The following MYO10 variants were observed in gnomAD, a reference collection of about 807,000 sequenced individuals.
MYO10 encodes unconventional myosin-X.
In MYO10, 133 loss-of-function variants were observed where a neutral mutation model predicts 257.3. The observed-to-expected ratio is 0.52, with a 90% CI of 0.45 to 0.60. MYO10 has a LOEUF of 0.60. Among genes scored for constraint, MYO10 ranks in the 20% least tolerant of loss-of-function variants. The pLI is 0.00. For synonymous variants in MYO10, 1,104 were observed against 1,028.6 expected (o/e 1.07, Z -1.40); for missense variants, 2,399 against 2,635.7 (o/e 0.91, Z 1.97).
At chr5:16,785,654 G>C (rs1243556712) in intron 4 of MYO10, among the ~76,000 whole-genome samples, 1 of 152,224 alleles carries the variant, frequency 6.6e-6, no homozygotes, top group Non-Finnish European at 1.5e-5. Context: ...TGGATTACTT[G>C]AGGTCAGAAG....
At chr5:16,730,968 T>C (rs1366236271) in intron 19 of MYO10, among the ~76,000 whole-genome samples, 1 of 150,870 alleles carries the variant, frequency 6.6e-6, no homozygotes, top group East Asian at 1.9e-4. Context: ...TGGGAAGGTA[T>C]GGGGGGAGTT....
At chr5:16,771,631 G>A (rs965624941) in intron 9 of MYO10, among the ~76,000 whole-genome samples, 11 of 149,740 alleles carry the variant, frequency 7.3e-5, no homozygotes, top group Non-Finnish European at 1.0e-4. Context: ...CTGCACTGGC[G>A]GGCAGTGGTG....
At chr5:16,902,226 A>G in intron 1 of MYO10, 1 of 598,044 alleles carries the variant, frequency 1.7e-6, no homozygotes, top group Admixed American at 2.7e-5. Context: ...TTTTTTTTTT[A>G]AAGTACAATT....
intron 4 of MYO10, among the ~76,000 whole-genome samples, chr5:16,786,162 C>A (rs993472272): frequency 6.6e-6 from 1 of 152,108 alleles, no homozygotes; most frequent in African/African-American, 2.4e-5. Context: ...TGTGTTACAC[C>A]CCTAAGATTT....
chr5:16,681,894 T>C lies in MYO10; in HGVS notation c.4166A>G (p.Glu1389Gly). 1 of 1,613,966 alleles carries C rather than the reference T, an allele frequency of 6.2e-7. No homozygotes were observed. Among genetic ancestry groups the C allele is most frequent in the Non-Finnish European group, 8.5e-7 (1 of 1,179,878 alleles). ...LQRSKGDTRV[E>G]GQEFIVRGWL... ...ACCTCTCACGATGAATTCCTGGCCC[T>C]CCACTCTGGTGTCCCCTTTGGACCT... Residue 1389 changes from glutamate to glycine, a missense_variant, in exon 31 of 41, where the codon GAG becomes GGG. Coordinates refer to ENST00000513610, the MANE Select transcript of MYO10 (RefSeq NM_012334.3).
intron 1 of MYO10, among the ~76,000 whole-genome samples, chr5:16,916,902 C>T (rs549222776): frequency 3.3e-5 from 5 of 152,258 alleles, no homozygotes; most frequent in South Asian, 2.1e-4. Context: ...TTAGATGACA[C>T]GAAGAGGTCC....
chr5:16,797,449 C>T (rs1361088226), intron 3 of MYO10, among the ~76,000 whole-genome samples: 1 of 152,128 alleles, frequency 6.6e-6, no homozygotes, highest in Non-Finnish European at 1.5e-5. Context: ...AAAGATATTA[C>T]CATATGACCC....
Position 16,666,022 on chromosome 5 carries a change from A to G in MYO10, c.*670T>C, listed in dbSNP as rs1434473546. On this transcript the variant is annotated 3_prime_UTR_variant, in exon 41 of 41. Transcript: ENST00000513610. ...AAATATACAGACTGTGTACACCATT[A>G]CACATCCTTTTTCCCTTTGCTTTTT... is the stretch of plus-strand genomic sequence containing the variant. 1 of 152,604 alleles carries G rather than the reference A, an allele frequency of 6.6e-6. No individual in the cohort carries two copies. The highest frequency in any genetic ancestry group is 1.5e-5 in the Non-Finnish European group (1 of 68,064). The allele number at this position is 152,604 out of a possible 1,614,324, so 9.5% of individuals were successfully genotyped here.
chr5:16,752,385 C>A (rs973798945), intron 19 of MYO10, among the ~76,000 whole-genome samples: 1 of 152,112 alleles, frequency 6.6e-6, no homozygotes, highest in Non-Finnish European at 1.5e-5. Context: ...CGGGTTCAAG[C>A]AATTCTCCTG....
chr5:16,817,483 T>C (rs1432499591), intron 3 of MYO10, among the ~76,000 whole-genome samples: 5 of 152,218 alleles, frequency 3.3e-5, no homozygotes, highest in Non-Finnish European at 7.3e-5. Flanking sequence ...GCATGACCAC[T>C]TTTTATGTAT....
At chr5:16,747,953 A>G (rs1215152049) in intron 19 of MYO10, among the ~76,000 whole-genome samples, 1 of 150,564 alleles carries the variant, frequency 6.6e-6, no homozygotes, top group African/African-American at 2.4e-5. Flanking sequence ...AAAAGAAAAA[A>G]AAAAAGATAC....
intron 1 of MYO10, among the ~76,000 whole-genome samples, chr5:16,931,149 T>C (rs1746283817): frequency 6.6e-6 from 1 of 152,034 alleles, no homozygotes; most frequent in Non-Finnish European, 1.5e-5. Context: ...TGCATGTTTG[T>C]AATCCCAGCT....
At chr5:16,728,742 A>T (rs762282571) in intron 19 of MYO10, among the ~76,000 whole-genome samples, 3 of 152,212 alleles carry the variant, frequency 2.0e-5, no homozygotes, top group Non-Finnish European at 4.4e-5. Context: ...ACTGTGCACT[A>T]GGACCTGTGT....
chr5:16,694,273 G>A lies in MYO10; in HGVS notation c.3800+98C>T, dbSNP rs567064388. ...TGAACTATCAGGACACCTGCTACAG[G>A]CTACTGCCGCTGCAAGGAACTTGCA... is the stretch of plus-strand genomic sequence containing the variant. On this transcript the variant is annotated intron_variant, in intron 27 of 40. Transcript: ENST00000513610. 3.9e-5 allele frequency: 60 copies of A among 1,553,562 alleles called. No homozygotes were observed. The East Asian group carries it at 1.1e-3, about 28-fold the overall frequency.
chr5:16,863,006 A>G (rs749043323), intron 2 of MYO10, among the ~76,000 whole-genome samples: 2 of 152,220 alleles, frequency 1.3e-5, no homozygotes, highest in African/African-American at 2.4e-5. Flanking sequence ...GGTCAGAGGC[A>G]TGCTTGAGTC....
At chr5:16,818,562 G>C (rs529982057) in intron 2 of MYO10, among the ~76,000 whole-genome samples, 1 of 151,046 alleles carries the variant, frequency 6.6e-6, no homozygotes, top group Admixed American at 6.6e-5. Flanking sequence ...TCAGCCTCCC[G>C]AGCTGGGACT....
intron 4 of MYO10, among the ~76,000 whole-genome samples, chr5:16,784,951 A>G (rs985657202): frequency 2.0e-5 from 3 of 152,158 alleles, no homozygotes; most frequent in African/African-American, 2.4e-5. Flanking sequence ...ACGATTCCAC[A>G]AAGACATAAT....
intron 19 of MYO10, chr5:16,738,326 G>A (rs976376606): frequency 3.6e-5 from 35 of 985,384 alleles, no homozygotes; most frequent in Non-Finnish European, 3.7e-5. Flanking sequence ...TGGGGATTAA[G>A]AGGCAGGGCA....
In MYO10 at chr5:16,818,183, G is replaced by A; in HGVS notation, c.121-16C>T. 6.8e-7 allele frequency: 1 copy of A among 1,479,664 alleles called. No individual in the cohort carries two copies. Among genetic ancestry groups the A allele is most frequent in the Non-Finnish European group, 9.1e-7 (1 of 1,100,936 alleles). 91.7% of individuals were successfully genotyped at this position (1,479,664 alleles called of 1,614,324 possible). On this transcript the variant is annotated splice_polypyrimidine_tract_variant and intron_variant, in intron 2 of 40. Transcript: ENST00000513610. ...AAGTGAATACCTGAGGGAGGGAGAG[G>A]AATTCAATTATTTCATTATCAGCAG...
Sources: gnomAD v4.1 joint callset for allele counts (sites outside exome capture counted in the v4.1 genomes callset) on GRCh38, gnomAD v4.1.1 for gene constraint, MANE v1.5 for transcripts, NCBI Gene and HGNC (gene_info 2026-07-23, HGNC 2026-07-21) for gene names.